Variants in KCNJ6 observed in about 807,000 individuals in gnomAD.
The protein encoded by KCNJ6 is G protein-activated inward rectifier potassium channel 2.
A neutral mutation model predicts 34.2 loss-of-function variants in KCNJ6; 9 were observed. That is an observed-to-expected ratio of 0.26 (90% CI 0.16 to 0.46). The LOEUF is 0.46. Among genes scored for constraint, KCNJ6 ranks in the 20% least tolerant of loss-of-function variants. The pLI, the probability that KCNJ6 is intolerant of heterozygous loss-of-function variation, is 1.00. For missense variants in KCNJ6, 236 were observed against 531.3 expected (o/e 0.44, Z 5.46); for synonymous variants, 196 against 207.1 (o/e 0.95, Z 0.46).
intron 2 of KCNJ6, among the ~76,000 whole-genome samples, chr21:37,798,763 A>G (rs2055255269): frequency 6.6e-6 from 1 of 152,096 alleles, no homozygotes; most frequent in African/African-American, 2.4e-5. Flanking sequence ...AAGGTGTGGG[A>G]AGGTGATAGT....
In KCNJ6 at chr21:37,684,330, T is replaced by C. The variant is rs149859631; in HGVS notation, c.946+29881A>G. Among the ~76,000 whole-genome samples the C allele has an allele frequency of 3.1e-4, 44 of 142,560 alleles. 1 individual carries two copies. Among genetic ancestry groups the C allele is most frequent in the Admixed American group, 5.8e-4 (8 of 13,710 alleles). The allele number at this position is 142,560 out of a possible 152,430, so 93.5% of individuals were successfully genotyped here. ...GGCCTTCTCCCCGTGCACATGTCTG[T>C]GTCCAAATTTCCACTCCATTTTTTT... On this transcript the variant is annotated intron_variant, in intron 3 of 3. Coordinates refer to ENST00000609713, the MANE Select transcript of KCNJ6 (RefSeq NM_002240.5).
At chr21:37,778,141 G>T (rs1431449263) in intron 2 of KCNJ6, among the ~76,000 whole-genome samples, 1 of 152,178 alleles carries the variant, frequency 6.6e-6, no homozygotes, top group African/African-American at 2.4e-5. Context: ...CTATAGCAGA[G>T]TTTTTTATTT....
At chr21:37,877,746 T>G (rs185037106) in intron 1 of KCNJ6, among the ~76,000 whole-genome samples, 94 of 152,344 alleles carry the variant, frequency 6.2e-4, no homozygotes, top group African/African-American at 2.2e-3. Flanking sequence ...CTCTCACTTC[T>G]TCCTCTCCAG....
At chr21:37,676,183 G>C (rs1362353591) in intron 3 of KCNJ6, among the ~76,000 whole-genome samples, 1 of 152,226 alleles carries the variant, frequency 6.6e-6, no homozygotes, top group Non-Finnish European at 1.5e-5. Flanking sequence ...GTGCAGAAAG[G>C]GAGGTGGCAA....
At chr21:37,723,656 G>A (rs1327538840) in intron 2 of KCNJ6, among the ~76,000 whole-genome samples, 4 of 152,088 alleles carry the variant, frequency 2.6e-5, no homozygotes, top group East Asian at 3.9e-4. Context: ...GTGAATTAAC[G>A]CAGGAACAGA....
rs1037023453 is a variant in KCNJ6, at chr21:37,695,285, G to A, written c.946+18926C>T. On this transcript the variant is annotated intron_variant, in intron 3 of 3. Coordinates refer to ENST00000609713, the MANE Select transcript of KCNJ6 (RefSeq NM_002240.5). The surrounding 1 kb of genome is among the most constrained non-coding windows in gnomAD (Gnocchi z 4.2). ...GTCCATCCCATAAAAGGAAATCAATGGCTAAGCAAAAGTCCAACTATTCTT... is the reference window on the plus strand; with the variant it reads ...GTCCATCCCATAAAAGGAAATCAATAGCTAAGCAAAAGTCCAACTATTCTT... 6.6e-6 allele frequency among the ~76,000 whole-genome samples: 1 copy of A among 152,196 alleles called. No individual in the cohort carries two copies. The highest frequency in any genetic ancestry group is 2.1e-4 in the South Asian group (1 of 4,824).
chr21:37,722,725 C>A (rs148398025), intron 2 of KCNJ6, among the ~76,000 whole-genome samples: 3 of 152,320 alleles, frequency 2.0e-5, no homozygotes, highest in Non-Finnish European at 4.4e-5. Context: ...GGATAGCTGG[C>A]TAGCCATGTG....
intron 2 of KCNJ6, among the ~76,000 whole-genome samples, chr21:37,807,198 T>G (rs905595635): frequency 1.3e-5 from 2 of 152,230 alleles, no homozygotes; most frequent in Non-Finnish European, 2.9e-5. Context: ...ACATTGAGTG[T>G]AGTTAGCTAA....
chr21:37,710,820 C>T (rs1038563663), intron 3 of KCNJ6, among the ~76,000 whole-genome samples: 1 of 152,202 alleles, frequency 6.6e-6, no homozygotes, highest in Non-Finnish European at 1.5e-5. Context: ...ATCTCAAAAT[C>T]GCCCATGTGT....
chr21:37,670,554 C>G (rs1315993306), intron 3 of KCNJ6, among the ~76,000 whole-genome samples: 1 of 152,152 alleles, frequency 6.6e-6, no homozygotes, highest in African/African-American at 2.4e-5. Context: ...AACTTGAGCT[C>G]AGGAGTTTGA....
intron 3 of KCNJ6, among the ~76,000 whole-genome samples, chr21:37,713,865 C>T (rs998007804): frequency 3.9e-5 from 6 of 152,156 alleles, no homozygotes; most frequent in African/African-American, 1.4e-4. Context: ...TAACAAATAA[C>T]CTCAAGTATT....
intron 2 of KCNJ6, among the ~76,000 whole-genome samples, chr21:37,774,924 C>T (rs986395297): frequency 1.3e-5 from 2 of 152,330 alleles, no homozygotes; most frequent in African/African-American, 2.4e-5. Flanking sequence ...GGAATTGCCA[C>T]GCTGACTTCC....
intron 2 of KCNJ6, among the ~76,000 whole-genome samples, chr21:37,760,202 T>C (rs2055053739): frequency 6.6e-6 from 1 of 152,192 alleles, no homozygotes; most frequent in Non-Finnish European, 1.5e-5. Flanking sequence ...CCACAGAAGC[T>C]GCAAGAATAA....
chr21:37,844,995 C>A (rs979348778), intron 1 of KCNJ6, among the ~76,000 whole-genome samples: 1 of 152,140 alleles, frequency 6.6e-6, no homozygotes, highest in African/African-American at 2.4e-5. Flanking sequence ...CTGGACAAGT[C>A]ATTTTACTTT....
intron 1 of KCNJ6, among the ~76,000 whole-genome samples, chr21:37,904,483 GA>G (rs1165410314): frequency 2.6e-5 from 4 of 151,576 alleles, no homozygotes; most frequent in Non-Finnish European, 4.4e-5. Flanking sequence ...TTGGGGTCTT[GA>G]AAAAAAATTA....
chr21:37,683,757 T>TG (rs1214813883), intron 3 of KCNJ6, among the ~76,000 whole-genome samples: 1 of 151,942 alleles, frequency 6.6e-6, no homozygotes, highest in Admixed American at 6.6e-5. Context: ...CCCACAGAGC[T>TG]GGGGTCTGGA....
intron 3 of KCNJ6, among the ~76,000 whole-genome samples, chr21:37,680,739 G>A (rs1264037571): frequency 1.3e-5 from 2 of 152,178 alleles, no homozygotes; most frequent in African/African-American, 4.8e-5. Flanking sequence ...GGGTCTCCAG[G>A]AAACTGCAGG....
At chr21:37,694,024 T>C (rs1402131168) in intron 3 of KCNJ6, among the ~76,000 whole-genome samples, 1 of 152,190 alleles carries the variant, frequency 6.6e-6, no homozygotes, top group African/African-American at 2.4e-5. Context: ...CCTTTTTGTC[T>C]AACAGTTTTG....
At chr21:37,848,440 G>T (rs1601499914) in intron 1 of KCNJ6, among the ~76,000 whole-genome samples, 1 of 152,156 alleles carries the variant, frequency 6.6e-6, no homozygotes, top group Admixed American at 6.5e-5. Context: ...TGCTAGGCAG[G>T]CCATGTAGGA....
Sources: allele counts gnomAD v4.1 joint callset (sites outside exome capture counted in the v4.1 genomes callset), GRCh38; gene constraint gnomAD v4.1.1; non-coding constraint Gnocchi (gnomAD v3.1); transcripts MANE v1.5; gene names NCBI Gene and HGNC (gene_info 2026-07-23, HGNC 2026-07-21).